CSMD1: variants seen among roughly 807,000 people sequenced by gnomAD.
CSMD1 encodes the protein CUB and Sushi multiple domains 1, also known as CUB and sushi domain-containing protein 1.
In CSMD1, 213 loss-of-function variants were observed where a neutral mutation model predicts 417.5. The ratio of observed to expected loss-of-function variants is 0.51; its 90% CI spans 0.46 to 0.57. The LOEUF is 0.57. CSMD1 is among the 20% of genes least tolerant of loss of function. CSMD1 has a pLI of 0.00. For missense variants in CSMD1, 6,923 were observed against 4,529.7 expected (o/e 1.53, Z -15.17); for synonymous variants, 2,862 against 1,736.8 (o/e 1.65, Z -16.11).
chr8:4,362,819 A>C (rs939976873), intron 3 of CSMD1, among the ~76,000 whole-genome samples: 1 of 152,360 alleles, frequency 6.6e-6, no homozygotes, highest in East Asian at 1.9e-4. Flanking sequence ...GTTTGATTTT[A>C]TAATATGGGA....
chr8:4,927,284 C>T (rs1806935976), intron 1 of CSMD1, among the ~76,000 whole-genome samples: 1 of 151,844 alleles, frequency 6.6e-6, no homozygotes, highest in Non-Finnish European at 1.5e-5. Context: ...TCTCGAACTC[C>T]CGTCCTCAAG....
intron 2 of CSMD1, among the ~76,000 whole-genome samples, chr8:4,425,532 T>C (rs935569769): frequency 6.6e-6 from 1 of 152,096 alleles, no homozygotes; most frequent in African/African-American, 2.4e-5. Flanking sequence ...TAAGGAATCT[T>C]ATAAGGAGCT....
At chr8:3,394,437 C>T (rs1171768197) in intron 17 of CSMD1, among the ~76,000 whole-genome samples, 1 of 151,916 alleles carries the variant, frequency 6.6e-6, no homozygotes, top group Non-Finnish European at 1.5e-5. Flanking sequence ...TTAGTTTCTT[C>T]TGCCTTCACT....
intron 2 of CSMD1, among the ~76,000 whole-genome samples, chr8:4,518,567 G>A (rs1047560120): frequency 6.9e-6 from 1 of 145,720 alleles, no homozygotes. Flanking sequence ...ATTGAACAGT[G>A]AGAACACATG....
intron 54 of CSMD1, among the ~76,000 whole-genome samples, chr8:2,993,021 CTA>C (rs1806536181): frequency 6.6e-6 from 1 of 152,204 alleles, no homozygotes; most frequent in African/African-American, 2.4e-5. Flanking sequence ...GCATGAGTCA[CTA>C]TGCCTGGATG....
At chr8:4,678,822 G>A (rs946648052) in intron 1 of CSMD1, among the ~76,000 whole-genome samples, 1 of 152,170 alleles carries the variant, frequency 6.6e-6, no homozygotes, top group African/African-American at 2.4e-5. Flanking sequence ...CAAGGGTGTG[G>A]TTTTTGCTAT....
chr8:4,106,157 G>C (rs1219262663), intron 3 of CSMD1, among the ~76,000 whole-genome samples: 1 of 152,174 alleles, frequency 6.6e-6, no homozygotes, highest in African/African-American at 2.4e-5. Context: ...TCTCTGGTGA[G>C]TACAGACCAG....
chr8:4,800,479 T>C (rs1270941033), intron 1 of CSMD1, among the ~76,000 whole-genome samples: 2 of 152,162 alleles, frequency 1.3e-5, no homozygotes, highest in South Asian at 2.1e-4. Flanking sequence ...TAATCACCTT[T>C]GTCTTAGGTT....
chr8:3,591,358 A>G (rs1408588061), intron 8 of CSMD1, among the ~76,000 whole-genome samples: 1 of 152,190 alleles, frequency 6.6e-6, no homozygotes, highest in Non-Finnish European at 1.5e-5. Flanking sequence ...ACTTTACCTC[A>G]GTATAAAGAC....
chr8:4,532,125 G>A (rs13249778), intron 2 of CSMD1, among the ~76,000 whole-genome samples: 77,787 of 141,214 alleles, frequency 0.55, 22,483 homozygotes, highest in African/African-American at 0.76. Context: ...CAGTCACTCC[G>A]GAAGAGAAAT....
intron 26 of CSMD1, among the ~76,000 whole-genome samples, chr8:3,268,802 C>A (rs1214182020): frequency 6.6e-6 from 1 of 152,198 alleles, no homozygotes; most frequent in African/African-American, 2.4e-5. Flanking sequence ...AAATTTTATG[C>A]CCAGGGTCCT....
chr8:3,884,918 T>C (rs900850367), intron 5 of CSMD1, among the ~76,000 whole-genome samples: 11 of 146,154 alleles, frequency 7.5e-5, no homozygotes, highest in Admixed American at 7.5e-4. Context: ...TCTAAATATA[T>C]ATATATATAT....
chr8:3,373,677 T>G (rs187413702), intron 18 of CSMD1: 308 of 152,320 alleles, frequency 2.0e-3, no homozygotes, highest in African/African-American at 7.2e-3. Context: ...TGCTCATAAT[T>G]TGAATTATGT....
chr8:4,357,492 A>G (rs139590161), intron 3 of CSMD1, among the ~76,000 whole-genome samples: 1 of 152,174 alleles, frequency 6.6e-6, no homozygotes, highest in Non-Finnish European at 1.5e-5. Context: ...ACATGGCATT[A>G]CTTTATCCAC....
In CSMD1 at chr8:4,609,119, G is replaced by A. The variant is rs190590360; in HGVS notation, c.302+28223C>T. Among the ~76,000 whole-genome samples the A allele has an allele frequency of 5.2e-3, 789 of 152,254 alleles. 1 individual carries two copies. The highest frequency in any genetic ancestry group is 0.017 in the Middle Eastern group (5 of 294). On this transcript the variant is annotated intron_variant, in intron 2 of 69. Transcript: ENST00000635120. Reference sequence around the variant, plus strand: ...TTCTCATCCTCAAGATGAAATACTCGCCAGATGCGCTGGCTCATGCATGTA... The same window carrying A: ...TTCTCATCCTCAAGATGAAATACTCACCAGATGCGCTGGCTCATGCATGTA...
chr8:4,244,413 T>C (rs763186751), intron 3 of CSMD1, among the ~76,000 whole-genome samples: 9 of 152,150 alleles, frequency 5.9e-5, no homozygotes, highest in Non-Finnish European at 1.0e-4. Context: ...ATAAAACTAG[T>C]AGAAAAGCAG....
chr8:4,964,359 A>G (rs1809707127), intron 1 of CSMD1, among the ~76,000 whole-genome samples: 1 of 151,900 alleles, frequency 6.6e-6, no homozygotes, highest in Admixed American at 6.6e-5. Context: ...CAAAAAGTAC[A>G]AGAAAAAAAA....
chr8:4,230,291 C>T (rs930438698), intron 3 of CSMD1, among the ~76,000 whole-genome samples: 1 of 152,132 alleles, frequency 6.6e-6, no homozygotes, highest in African/African-American at 2.4e-5. Flanking sequence ...TATATTAAAA[C>T]ATTTAATCCT....
Position 2,962,495 on chromosome 8 carries a change from G to A in CSMD1, c.9599C>T (p.Thr3200Met), listed in dbSNP as rs371083165. 1.7e-5 allele frequency: 27 copies of A among 1,613,838 alleles called. No individual in the cohort carries two copies. Among genetic ancestry groups the A allele is most frequent in the African/African-American group, 9.3e-5 (7 of 75,048 alleles). Residue 3200 changes from threonine to methionine, a missense_variant, in exon 61 of 70, where the codon ACG becomes ATG. Coordinates refer to ENST00000635120, the MANE Select transcript of CSMD1 (RefSeq NM_033225.6). ...SSRRVCQADG[T>M]WSGIQPTCID... is the part of the protein sequence containing the mutation. ...GCAGGTGGGTTGTATGCCGCTCCAC[G>A]TGCCGTCAGCTTGGCAGACTCTTCT...
Sources: gnomAD v4.1 joint callset for allele counts (sites outside exome capture counted in the v4.1 genomes callset) on GRCh38, gnomAD v4.1.1 for gene constraint, MANE v1.5 for transcripts, NCBI Gene and HGNC (gene_info 2026-07-23, HGNC 2026-07-21) for gene names.